The following SH3D19 variants were observed in gnomAD, a reference collection of about 807,000 sequenced individuals.
SH3D19 encodes SH3 domain-containing protein 19.
A neutral mutation model predicts 112.1 loss-of-function variants in SH3D19; 58 were observed. The observed-to-expected ratio is 0.52, with a 90% CI of 0.42 to 0.64. The LOEUF is 0.64. Among genes scored for constraint, SH3D19 ranks in the 30% least tolerant of loss-of-function variants. The pLI, the probability that SH3D19 is intolerant of heterozygous loss-of-function variation, is 0.00. For missense variants in SH3D19, 1,090 were observed against 1,263.4 expected, an observed-to-expected ratio of 0.86 and a Z score of 2.08; for synonymous variants, 391 against 448.5, an observed-to-expected ratio of 0.87 and a Z score of 1.62.
At chr4:151,152,675 T>C (rs1238221497) in intron 9 of SH3D19, among the ~76,000 whole-genome samples, 2 of 145,972 alleles carry the variant, frequency 1.4e-5, no homozygotes, top group South Asian at 2.2e-4. Context: ...TGCGCCACCA[T>C]GCCTGGCTAA....
chr4:151,158,990 C>A (rs1756665345), intron 9 of SH3D19, among the ~76,000 whole-genome samples: 1 of 152,052 alleles, frequency 6.6e-6, no homozygotes, highest in Non-Finnish European at 1.5e-5. Flanking sequence ...ATTTAAAAGA[C>A]AATGCCATTA....
intron 1 of SH3D19, chr4:151,291,589 A>C (rs1434516042): frequency 1.9e-5 from 12 of 622,678 alleles, no homozygotes; most frequent in African/African-American, 5.5e-5. Context: ...ACTTCTGTAC[A>C]TTCTTTGTCC....
intron 1 of SH3D19, among the ~76,000 whole-genome samples, chr4:151,278,805 A>C (rs997853424): frequency 6.6e-6 from 1 of 151,972 alleles, no homozygotes; most frequent in African/African-American, 2.4e-5. Flanking sequence ...TAATTTCTTT[A>C]TATTTTTTGT....
chr4:151,203,195 C>T (rs994989990), intron 2 of SH3D19, among the ~76,000 whole-genome samples: 2 of 152,110 alleles, frequency 1.3e-5, no homozygotes, highest in South Asian at 2.1e-4. Flanking sequence ...CCCCAGCAAT[C>T]GCAGCATCGG....
intron 1 of SH3D19, among the ~76,000 whole-genome samples, chr4:151,317,512 T>C (rs140624955): frequency 3.5e-4 from 53 of 152,320 alleles, no homozygotes; most frequent in African/African-American, 1.2e-3. Context: ...AGTGAAGTTA[T>C]AGAACTGCTG....
chr4:151,223,469 C>A (rs933008421), intron 2 of SH3D19, among the ~76,000 whole-genome samples: 1 of 152,138 alleles, frequency 6.6e-6, no homozygotes, highest in African/African-American at 2.4e-5. Context: ...CACTTCCTAG[C>A]TTTCTATCAC....
At chr4:151,151,924 A>G (rs1205968287) in intron 9 of SH3D19, among the ~76,000 whole-genome samples, 1 of 152,220 alleles carries the variant, frequency 6.6e-6, no homozygotes, top group East Asian at 1.9e-4. Flanking sequence ...TTTGACATGG[A>G]AAGATGCAGA....
intron 1 of SH3D19, chr4:151,282,047 G>T: frequency 8.3e-7 from 1 of 1,206,452 alleles, no homozygotes; most frequent in Non-Finnish European, 1.2e-6. Context: ...ATTCCCAGTT[G>T]GCTACCCTCC....
At chr4:151,132,043 C>T (rs1436303556) in intron 17 of SH3D19, among the ~76,000 whole-genome samples, 1 of 152,042 alleles carries the variant, frequency 6.6e-6, no homozygotes, top group Non-Finnish European at 1.5e-5. Flanking sequence ...AGGCTGGTCT[C>T]GAACTCCTAA....
At chr4:151,164,780 A>T (rs1439787065) in intron 8 of SH3D19, among the ~76,000 whole-genome samples, 1 of 152,114 alleles carries the variant, frequency 6.6e-6, no homozygotes, top group African/African-American at 2.4e-5. Context: ...GAGTTTCACC[A>T]TGTTGGCCAG....
intron 2 of SH3D19, among the ~76,000 whole-genome samples, chr4:151,208,765 T>C (rs900999748): frequency 2.6e-5 from 4 of 151,152 alleles, no homozygotes; most frequent in African/African-American, 7.3e-5. Flanking sequence ...GCAAGCTCCG[T>C]CTCCTGGGTT....
intron 2 of SH3D19, among the ~76,000 whole-genome samples, chr4:151,187,959 T>G (rs1762049607): frequency 6.6e-6 from 1 of 152,094 alleles, no homozygotes; most frequent in Non-Finnish European, 1.5e-5. Flanking sequence ...GACTTTCCCC[T>G]CTCCCTCCCA....
intron 9 of SH3D19, 22 bp from the exon 10 acceptor site, chr4:151,149,583 T>G (rs895775660): frequency 3.7e-6 from 6 of 1,608,050 alleles, no homozygotes; most frequent in Non-Finnish European, 5.1e-6. Context: ...AGAGAATGCT[T>G]TTTAGTTAAG....
At chr4:151,139,037 A>T (rs1012390285) in intron 13 of SH3D19, among the ~76,000 whole-genome samples, 8 of 151,864 alleles carry the variant, frequency 5.3e-5, no homozygotes, top group African/African-American at 9.7e-5. Flanking sequence ...TGTTGGTCAG[A>T]CTGGTCTGGA....
At chr4:151,208,564 T>C (rs1765451168) in intron 2 of SH3D19, among the ~76,000 whole-genome samples, 1 of 152,042 alleles carries the variant, frequency 6.6e-6, no homozygotes, top group Non-Finnish European at 1.5e-5. Flanking sequence ...GAAATGGGGT[T>C]TCACCATGTT....
chr4:151,301,516 C>G (rs190921485), intron 1 of SH3D19, among the ~76,000 whole-genome samples: 1 of 152,124 alleles, frequency 6.6e-6, no homozygotes, highest in Non-Finnish European at 1.5e-5. Context: ...CGTGAGCCAC[C>G]GCGCCTGGCC....
chr4:151,215,131 A>G (rs983556335), intron 2 of SH3D19, among the ~76,000 whole-genome samples: 1 of 152,234 alleles, frequency 6.6e-6, no homozygotes, highest in African/African-American at 2.4e-5. Flanking sequence ...TATGTTGCCC[A>G]AGCTGGTCTC....
At chr4:151,269,139 G>C (rs529917841) in intron 1 of SH3D19, among the ~76,000 whole-genome samples, 2 of 152,332 alleles carry the variant, frequency 1.3e-5, no homozygotes, top group Admixed American at 1.3e-4. Flanking sequence ...CATTCTAACT[G>C]ATGTGAGATG....
chr4:151,279,975 A>G, intron 1 of SH3D19: 3 of 1,611,920 alleles, frequency 1.9e-6, no homozygotes, highest in Non-Finnish European at 2.5e-6. Context: ...TCTAGCTGGC[A>G]GCTAACACAC....
Sources: allele counts gnomAD v4.1 joint callset (sites outside exome capture counted in the v4.1 genomes callset), GRCh38; gene constraint gnomAD v4.1.1; transcripts MANE v1.5; gene names NCBI Gene and HGNC (gene_info 2026-07-23, HGNC 2026-07-21).